UBR4: variants seen among roughly 807,000 people sequenced by gnomAD.
The protein encoded by UBR4 is E3 ubiquitin-protein ligase UBR4.
A neutral mutation model predicts 575.6 loss-of-function variants in UBR4; 124 were observed. The ratio of observed to expected loss-of-function variants is 0.22; its 90% confidence interval spans 0.19 to 0.25. UBR4 has a LOEUF of 0.25. Ranked by LOEUF, UBR4 falls within the 10% of genes least tolerant of loss-of-function variation. The pLI, the probability that UBR4 is intolerant of heterozygous loss-of-function variation, is 1.00. For synonymous variants in UBR4, 2,455 were observed against 2,473.7 expected (o/e 0.99, Z 0.22); for missense variants, 4,818 against 6,478.8 (o/e 0.74, Z 8.80).
intron 83 of UBR4, among the ~76,000 whole-genome samples, chr1:19,106,279 C>T (rs979408644): frequency 1.3e-5 from 2 of 151,996 alleles, no homozygotes; most frequent in African/African-American, 2.4e-5. Context: ...GAAAGGACAG[C>T]AGAAGATACG....
Position 19,164,981 on chromosome 1 carries a change from G to A in UBR4, c.4329C>T (p.Asn1443=), listed in dbSNP as rs765009693. The change falls in exon 32 of 106, where the codon AAC becomes AAT. Residue 1443 remains asparagine (N), a synonymous_variant. Coordinates refer to ENST00000375254, the MANE Select transcript of UBR4 (RefSeq NM_020765.3). The part of the protein sequence containing the change: ...KLFQLTEKSP[N]PSLLHLCGSL... ...AGCCACAGAGATGCAACAGGCTCGGGTTAGGGCTCTTCTCAGCTAGGAGCA... is the reference window on the plus strand; with the variant it reads ...AGCCACAGAGATGCAACAGGCTCGGATTAGGGCTCTTCTCAGCTAGGAGCA... 1.2e-5 allele frequency: 20 copies of A among 1,613,884 alleles called. No homozygotes were observed. The highest frequency in any genetic ancestry group is 2.2e-5 in the East Asian group (1 of 44,874).
rs1156854204 is a variant in UBR4 at position 19,139,340 on chromosome 1, A to G, written c.8594-120T>C. On this transcript the variant is annotated intron_variant, in intron 58 of 105. Coordinates refer to ENST00000375254, the MANE Select transcript of UBR4 (RefSeq NM_020765.3). The surrounding 1 kb of genome is among the most constrained non-coding windows in gnomAD (Gnocchi z 4.2). ...CAAACCACATAGTGCATAGGACACA[A>G]TGCAGTTTATATATCCTGTCGTCAA... 5.4e-6 allele frequency: 7 copies of G among 1,286,650 alleles called. No individual in the cohort carries two copies. The East Asian group carries it at 1.6e-4, about 30-fold the overall frequency. 79.7% of individuals were successfully genotyped at this position (1,286,650 alleles called of 1,614,324 possible).
chr1:19,113,619 G>C, intron 77 of UBR4, 80 bp downstream of exon 77: 1 of 1,574,858 alleles, frequency 6.3e-7, no homozygotes, highest in East Asian at 2.2e-5. Context: ...TGCTAGATGA[G>C]AGAGCAGCAG....
At chr1:19,085,653 G>C (rs1432411371) in intron 101 of UBR4, among the ~76,000 whole-genome samples, 1 of 152,156 alleles carries the variant, frequency 6.6e-6, no homozygotes, top group Non-Finnish European at 1.5e-5. Flanking sequence ...CACTCCACAA[G>C]GCATCAGCAA....
intron 48 of UBR4, chr1:19,151,296 C>A: frequency 2.6e-6 from 1 of 386,992 alleles, no homozygotes; most frequent in Non-Finnish European, 4.7e-6. Flanking sequence ...CCATGTGTGA[C>A]CTGAGGTCTT....
intron 68 of UBR4, among the ~76,000 whole-genome samples, chr1:19,120,642 A>C (rs2081068774): frequency 6.6e-6 from 1 of 152,228 alleles, no homozygotes; most frequent in African/African-American, 2.4e-5. Context: ...GTAAGCTGGC[A>C]CTGAACAAAT....
In UBR4 at chr1:19,100,270, A is replaced by C. The variant is rs1570456174; in HGVS notation, c.13221+106T>G. On this transcript the variant is annotated intron_variant, in intron 89 of 105. Transcript: ENST00000375254. This position sits in a 1 kb window ranked among gnomAD's most constrained non-coding sequence, Gnocchi z 4.2. ...TTACAGAGTGGAGAAACTGAAGGCCACCTGCCCCAAGTTAATCAGCTACTA... is the reference window on the plus strand; with the variant it reads ...TTACAGAGTGGAGAAACTGAAGGCCCCCTGCCCCAAGTTAATCAGCTACTA... The C allele has an allele frequency of 1.6e-6, 2 of 1,281,644 alleles. No homozygotes were observed. Among genetic ancestry groups the C allele is most frequent in the Non-Finnish European group, 2.2e-6 (2 of 900,852 alleles). 79.4% of individuals were successfully genotyped at this position (1,281,644 alleles called of 1,614,324 possible).
In UBR4 at chr1:19,157,860, G is replaced by C. The variant is rs150282941; in HGVS notation, c.5715C>G (p.Pro1905=). The part of the protein sequence containing the change: ...RRVAMCVLSS[P]HGRRQHLAVS... ...CAGCCAAATGTTGGCGGCGCCCATG[G>C]GGAGAGGAGAGCACACACATAGCCA... The change falls in exon 40 of 106, where the codon CCC becomes CCG. Residue 1905 remains proline, a synonymous_variant. Coordinates refer to ENST00000375254, the MANE Select transcript of UBR4 (RefSeq NM_020765.3). This position sits in a 1 kb window ranked among gnomAD's most constrained non-coding sequence, Gnocchi z 4.4. The C allele has an allele frequency of 8.5e-5, 137 of 1,614,104 alleles. No individual in the cohort carries two copies. Among genetic ancestry groups the C allele is most frequent in the Non-Finnish European group, 1.2e-4 (136 of 1,180,028 alleles).
In UBR4 at chr1:19,161,005, C is replaced by A. The variant is rs1372019304; in HGVS notation, c.5318G>T (p.Ser1773Ile). 4 of 1,614,054 alleles carry A rather than the reference C, an allele frequency of 2.5e-6. No homozygotes were observed. ...SPADKAKVTISDGKVADEEKP... is the reference protein window; with the variant it reads ...SPADKAKVTIIDGKVADEEKP... ...CTCTTCGTCAGCAACCTTTCCATCA[C>A]TGATGGTAACCTTGGCTTTGTCAGC... is the stretch of plus-strand genomic sequence containing the variant. Residue 1773 changes from serine to isoleucine, a missense_variant, in exon 38 of 106, where the codon AGT becomes ATT. Physicochemically the swap from Ser to Ile is moderately radical, Grantham distance 142. Coordinates refer to ENST00000375254, the MANE Select transcript of UBR4 (RefSeq NM_020765.3).
intron 42 of UBR4, 56 bp downstream of exon 42, chr1:19,156,215 T>C: frequency 6.3e-7 from 1 of 1,594,100 alleles, no homozygotes; most frequent in Middle Eastern, 1.7e-4. Flanking sequence ...ATAGTGATTC[T>C]GGATTTAAAA....
Position 19,164,335 on chromosome 1 carries a change from C to G in UBR4, c.4618G>C (p.Val1540Leu). 4 of 1,614,196 alleles carry G rather than the reference C, an allele frequency of 2.5e-6. No homozygotes were observed. Among genetic ancestry groups the G allele is most frequent in the African/African-American group, 1.3e-5 (1 of 75,062 alleles). Residue 1540 changes from valine (V) to leucine (L), a missense_variant, in exon 33 of 106, where the codon GTG (valine) becomes CTG (leucine). Val to Leu is a conservative substitution (Grantham distance 32). Transcript: ENST00000375254. ...CCTGCACTGGCCAGAGTGGCCATCA[C>G]AACCATAAGTTCAGGGAAGCCAGTC... ...DGTGFPELMVVMATLASAGQG... is the reference protein window; with the variant it reads ...DGTGFPELMVLMATLASAGQG...
Position 19,164,967 on chromosome 1 carries a change from T to G in UBR4, c.4343A>C (p.His1448Pro). 3 of 1,613,494 alleles carry G rather than the reference T, an allele frequency of 1.9e-6. No homozygotes were observed. In the South Asian group the frequency reaches 3.3e-5, roughly 18 times the overall value. ...CAGTTGTGCCAGGGAGCCACAGAGA[T>G]GCAACAGGCTCGGGTTAGGGCTCTT... ...TEKSPNPSLL[H>P]LCGSLAQLAC... The change falls in exon 32 of 106, where the codon CAT becomes CCT. Residue 1448 changes from histidine (H) to proline (P), a missense_variant. By Grantham distance (77) the His-to-Pro change is moderately conservative (BLOSUM62 -2). Around this residue, in one of 29 missense-constraint regions of UBR4, gnomAD observed 1,172 missense variants for 1,259.7 expected, o/e 0.93. Transcript: ENST00000375254.
chr1:19,210,117 G>A lies in UBR4; in HGVS notation c.132C>T (p.Phe44=). The change falls in exon 1 of 106, where the codon TTC becomes TTT. Residue 44 remains phenylalanine (F), a synonymous_variant. Coordinates refer to ENST00000375254, the MANE Select transcript of UBR4 (RefSeq NM_020765.3). ...RPLLSASYSA[F]EMKELPQLVA... ...CCAGCTGCGGCAACTCCTTCATCTCGAAGGCGGAGTAGGACGCGGACAGCA... is the reference window on the plus strand; with the variant it reads ...CCAGCTGCGGCAACTCCTTCATCTCAAAGGCGGAGTAGGACGCGGACAGCA... 1 of 1,585,926 alleles carries A rather than the reference G, an allele frequency of 6.3e-7. No individual in the cohort carries two copies. The highest frequency in any genetic ancestry group is 1.4e-5 in the African/African-American group (1 of 71,946).
At chr1:19,094,581 G>A (rs1226559365) in intron 94 of UBR4, among the ~76,000 whole-genome samples, 3 of 152,184 alleles carry the variant, frequency 2.0e-5, no homozygotes, top group African/African-American at 7.2e-5. Context: ...CAAGTCCAGG[G>A]AAATGAAGTG....
At chr1:19,096,093 G>C (rs548269264) in intron 92 of UBR4, among the ~76,000 whole-genome samples, 16 of 152,158 alleles carry the variant, frequency 1.1e-4, no homozygotes, top group Non-Finnish European at 1.5e-4. Flanking sequence ...GGGGAGTGGG[G>C]GTGGGGAGTA....
At chr1:19,092,118 T>C (rs2077574513) in intron 97 of UBR4, among the ~76,000 whole-genome samples, 1 of 152,016 alleles carries the variant, frequency 6.6e-6, no homozygotes, top group Non-Finnish European at 1.5e-5. Context: ...GGAAGATAGA[T>C]GTGGCTACAA....
chr1:19,117,281 C>T lies in UBR4; in HGVS notation c.10763G>A (p.Arg3588Gln). 12 of 1,614,124 alleles carry T rather than the reference C, an allele frequency of 7.4e-6. No individual in the cohort carries two copies. Among genetic ancestry groups the T allele is most frequent in the African/African-American group, 1.3e-5 (1 of 75,020 alleles). Residue 3588 changes from arginine (R) to glutamine (Q), a missense_variant, in exon 73 of 106, where the codon CGG becomes CAG. By Grantham distance (43) the Arg-to-Gln change is conservative. Coordinates refer to ENST00000375254, the MANE Select transcript of UBR4 (RefSeq NM_020765.3). The surrounding 1 kb of genome is among the most constrained non-coding windows in gnomAD (Gnocchi z 4.0). ...GTTGTTATAATACAGGTTGATGGTCCGCACCATCTTGGTCCGTTTCAGATC... is the reference window on the plus strand; with the variant it reads ...GTTGTTATAATACAGGTTGATGGTCTGCACCATCTTGGTCCGTTTCAGATC... ...IGDLKRTKMV[R>Q]TINLYYNNRT...
intron 66 of UBR4, 122 bp downstream of exon 66, chr1:19,122,711 C>T (rs2081306494): frequency 8.9e-7 from 1 of 1,121,728 alleles, no homozygotes; most frequent in Admixed American, 2.0e-5. Context: ...TCATCTCAGC[C>T]CTAACCATGC....
chr1:19,141,867 G>C, intron 55 of UBR4, 90 bp from the exon 56 acceptor site: 5 of 1,559,448 alleles, frequency 3.2e-6, no homozygotes, highest in Non-Finnish European at 4.3e-6. Context: ...AAAAACCCAA[G>C]ACAAGCTACC....
Sources: allele counts gnomAD v4.1 joint callset (sites outside exome capture counted in the v4.1 genomes callset), GRCh38; gene constraint gnomAD v4.1.1; regional missense constraint gnomAD v4.1.1; non-coding constraint Gnocchi (gnomAD v3.1); transcripts MANE v1.5; gene names NCBI Gene and HGNC (gene_info 2026-07-23, HGNC 2026-07-21).